Variants in B4GALNT3 observed in about 807,000 individuals in gnomAD.
B4GALNT3 encodes the protein beta-1,4-N-acetylgalactosaminyltransferase 3.
Under a neutral mutation model 120.2 loss-of-function variants are expected in B4GALNT3, and 86 were observed. The observed-to-expected ratio is 0.72, with a 90% CI of 0.60 to 0.86. B4GALNT3 has a LOEUF of 0.86. Ranked by LOEUF, B4GALNT3 falls within the 40% of genes least tolerant of loss-of-function variation. The probability of loss-of-function intolerance (pLI) is 0.00; values close to 1 mark genes in which losing one functional copy is unlikely to be tolerated. For missense variants in B4GALNT3, 1,167 were observed against 1,298.9 expected, an observed-to-expected ratio of 0.90 and a Z score of 1.56; for synonymous variants, 518 against 510.4, an observed-to-expected ratio of 1.01 and a Z score of -0.20.
intron 1 of B4GALNT3, among the ~76,000 whole-genome samples, chr12:463,164 C>T (rs894317105): frequency 4.6e-5 from 7 of 152,216 alleles, no homozygotes; most frequent in Non-Finnish European, 1.5e-5. Flanking sequence ...AGGCCAGCCC[C>T]CATTACCAGG....
At position 556,887 on chromosome 12, in the gene B4GALNT3, C is replaced by T. The variant is rs751714523; in HGVS notation, c.2380+21C>T. 4.7e-5 allele frequency: 74 copies of T among 1,586,674 alleles called. 1 individual carries two copies. The highest frequency in any genetic ancestry group is 3.2e-4 in the Admixed American group (19 of 58,626). On this transcript the variant is annotated intron_variant, in intron 15 of 19. Transcript: ENST00000266383. Reference sequence around the variant, plus strand: ...GCCTGGTGAGCCTCAAGCTGAGCCTCGGCATTCTCAGGGGCGGGGTCCTCA... The same window carrying T: ...GCCTGGTGAGCCTCAAGCTGAGCCTTGGCATTCTCAGGGGCGGGGTCCTCA...
chr12:531,947 T>C (rs1056504905), intron 1 of B4GALNT3, among the ~76,000 whole-genome samples: 9 of 148,016 alleles, frequency 6.1e-5, no homozygotes, highest in African/African-American at 2.0e-4. Flanking sequence ...AGATATACAA[T>C]TAGATCTTTA....
intron 3 of B4GALNT3, among the ~76,000 whole-genome samples, chr12:542,022 C>T (rs1450168912): frequency 6.6e-6 from 1 of 152,062 alleles, no homozygotes; most frequent in East Asian, 1.9e-4. Context: ...TGAGGATTTT[C>T]CCCCAAAGTA....
Position 553,748 on chromosome 12 carries a change from G to A in B4GALNT3, c.1825G>A (p.Gly609Arg), listed in dbSNP as rs1354975879. The A allele has an allele frequency of 3.1e-6, 5 of 1,614,088 alleles. No homozygotes were observed. Among genetic ancestry groups the A allele is most frequent in the Admixed American group, 1.7e-5 (1 of 60,008 alleles). Residue 609 changes from glycine to arginine, a missense_variant, in exon 14 of 20, where the codon GGG becomes AGG. Around this residue, in one of 3 missense-constraint regions of B4GALNT3, gnomAD observed 983 missense variants for 1,102.5 expected, o/e 0.89. Transcript: ENST00000266383. ...QEGQVEGEEE[G>R]EEEEEEEDMS... is the part of the protein sequence containing the mutation. ...AGGACAAGTGGAGGGAGAGGAAGAG[G>A]GGGAAGAAGAGGAGGAGGAAGAGGA... is the stretch of plus-strand genomic sequence containing the variant.
At position 553,855 on chromosome 12, in the gene B4GALNT3, C is replaced by T; in HGVS notation, c.1932C>T (p.Asp644=). The part of the protein sequence containing the change: ...WDQTFSARNL[D]FQALRTDWID... ...AGACCTTCAGTGCCCGGAATCTCGACTTCCAAGCCCTGAGGACTGACTGGA... is the reference window on the plus strand; with the variant it reads ...AGACCTTCAGTGCCCGGAATCTCGATTTCCAAGCCCTGAGGACTGACTGGA... Residue 644 remains aspartate, a synonymous_variant, in exon 14 of 20, where the codon GAC becomes GAT. Coordinates refer to ENST00000266383, the MANE Select transcript of B4GALNT3 (RefSeq NM_173593.4). The T allele has an allele frequency of 6.2e-7, 1 of 1,614,236 alleles. No homozygotes were observed. The highest frequency in any genetic ancestry group is 8.5e-7 in the Non-Finnish European group (1 of 1,180,036).
chr12:468,004 G>T (rs566498616), intron 1 of B4GALNT3, among the ~76,000 whole-genome samples: 50 of 152,266 alleles, frequency 3.3e-4, no homozygotes, highest in African/African-American at 1.2e-3. Flanking sequence ...AGGATTTTAT[G>T]ATCTGTATTT....
intron 3 of B4GALNT3, among the ~76,000 whole-genome samples, chr12:539,934 G>A (rs1946897653): frequency 6.6e-6 from 1 of 151,452 alleles, no homozygotes; most frequent in African/African-American, 2.5e-5. Flanking sequence ...AAATAAAATA[G>A]ATCGAGTACC....
intron 1 of B4GALNT3, among the ~76,000 whole-genome samples, chr12:469,388 A>G (rs1022707447): frequency 1.3e-5 from 2 of 152,310 alleles, no homozygotes; most frequent in East Asian, 3.9e-4. Flanking sequence ...TCAGTCTGAT[A>G]GGAATTAGAG....
intron 3 of B4GALNT3, among the ~76,000 whole-genome samples, chr12:543,640 C>CCT (rs1946949362): frequency 2.8e-5 from 1 of 35,542 alleles, no homozygotes; most frequent in East Asian, 6.9e-4. Context: ...CTCATCTTCC[C>CCT]GGAGCTGAGG....
intron 3 of B4GALNT3, among the ~76,000 whole-genome samples, chr12:542,698 C>T (rs1351507917): frequency 1.3e-5 from 2 of 152,226 alleles, no homozygotes; most frequent in African/African-American, 4.8e-5. Context: ...GGGAAGGGAG[C>T]CCTCTGCTCA....
At chr12:474,947 C>CAAAAAAAAAAAAA (rs386375353) in intron 1 of B4GALNT3, among the ~76,000 whole-genome samples, 13 of 60,616 alleles carry the variant, frequency 2.1e-4, no homozygotes, top group African/African-American at 9.8e-4. Flanking sequence ...GACCTTGTCT[C>CAAAAAAAAAAAAA]AAAAAAAAAA....
At chr12:462,248 A>G (rs1946029229) in intron 1 of B4GALNT3, among the ~76,000 whole-genome samples, 1 of 152,048 alleles carries the variant, frequency 6.6e-6, no homozygotes, top group African/African-American at 2.4e-5. Flanking sequence ...TGTAGCCATC[A>G]TTTTGTTTAG....
intron 1 of B4GALNT3, among the ~76,000 whole-genome samples, chr12:492,305 C>T (rs969463096): frequency 6.6e-6 from 1 of 152,152 alleles, no homozygotes; most frequent in African/African-American, 2.4e-5. Context: ...ATGTCAATTG[C>T]TTTCTGATAT....
chr12:527,094 T>G (rs1317269180), intron 1 of B4GALNT3, among the ~76,000 whole-genome samples: 1 of 152,096 alleles, frequency 6.6e-6, no homozygotes, highest in Admixed American at 6.6e-5. Flanking sequence ...TGTTTTGTTT[T>G]GTTTTGTTTT....
rs1355979216 is a variant in B4GALNT3, at chr12:460,694, G to C, written c.169+149G>C. ...GCCCGGCGTCGCCCCGCGCGTACTCGGGGAGAGCTGCGGGCGGGGGAAGCC... is the reference window on the plus strand; with the variant it reads ...GCCCGGCGTCGCCCCGCGCGTACTCCGGGAGAGCTGCGGGCGGGGGAAGCC... On this transcript the variant is annotated intron_variant, in intron 1 of 19. Coordinates refer to ENST00000266383, the MANE Select transcript of B4GALNT3 (RefSeq NM_173593.4). The surrounding 1 kb of genome is among the most constrained non-coding windows in gnomAD (Gnocchi z 8.0). The C allele has an allele frequency of 2.2e-6, 2 of 894,486 alleles. No homozygotes were observed. Among genetic ancestry groups the C allele is most frequent in the African/African-American group, 3.5e-5 (2 of 57,016 alleles). 55.4% of individuals were successfully genotyped at this position (894,486 alleles called of 1,614,324 possible).
At chr12:503,543 T>C (rs1224653530) in intron 1 of B4GALNT3, among the ~76,000 whole-genome samples, 1 of 152,204 alleles carries the variant, frequency 6.6e-6, no homozygotes, top group Non-Finnish European at 1.5e-5. Flanking sequence ...CTTTGCTGTG[T>C]GGAGCAGTGA....
At chr12:466,356 C>T (rs1946081019) in intron 1 of B4GALNT3, among the ~76,000 whole-genome samples, 1 of 152,146 alleles carries the variant, frequency 6.6e-6, no homozygotes, top group Admixed American at 6.5e-5. Flanking sequence ...AGAGGCTGTT[C>T]TTGGAGTTGG....
intron 1 of B4GALNT3, among the ~76,000 whole-genome samples, chr12:501,040 A>T: frequency 7.2e-6 from 1 of 139,150 alleles, no homozygotes; most frequent in East Asian, 2.1e-4. Flanking sequence ...CTCCCGGCTA[A>T]TTTTTGTACT....
At chr12:489,387 G>A (rs1455431690) in intron 1 of B4GALNT3, among the ~76,000 whole-genome samples, 1 of 149,640 alleles carries the variant, frequency 6.7e-6, no homozygotes, top group African/African-American at 2.5e-5. Context: ...TAGAAAGAGA[G>A]CGTAAGGGCA....
Sources: gnomAD v4.1 joint callset for allele counts (sites outside exome capture counted in the v4.1 genomes callset) on GRCh38, gnomAD v4.1.1 for gene constraint, gnomAD v4.1.1 regional missense constraint, Gnocchi (gnomAD v3.1) non-coding constraint, MANE v1.5 for transcripts, NCBI Gene and HGNC (gene_info 2026-07-23, HGNC 2026-07-21) for gene names.